Variants in MSH3 observed in about 807,000 individuals in gnomAD.
MSH3 encodes the protein mutS homolog 3, also known as DNA mismatch repair protein Msh3.
In MSH3, 106 loss-of-function variants were observed where a neutral mutation model predicts 123.3. The ratio of observed to expected loss-of-function variants is 0.86; its 90% CI spans 0.73 to 1.01. The LOEUF is 1.01. MSH3 is among the 50% of genes least tolerant of loss of function. MSH3 has a pLI of 0.00. For synonymous variants in MSH3, 515 were observed against 481.4 expected (o/e 1.07, Z -0.91); for missense variants, 1,459 against 1,347.6 (o/e 1.08, Z -1.29).
At position 80,725,550 on chromosome 5, in the gene MSH3, A is replaced by G. The variant is rs1188011873; in HGVS notation, c.1438A>G (p.Thr480Ala). 4 of 1,611,968 alleles carry G rather than the reference A, an allele frequency of 2.5e-6. No individual in the cohort carries two copies. Among genetic ancestry groups the G allele is most frequent in the Middle Eastern group, 1.7e-4 (1 of 6,048 alleles). Residue 480 changes from threonine (T) to alanine (A), a missense_variant, in exon 9 of 24, where the codon ACA (threonine) becomes GCA (alanine). By Grantham distance (58) the Thr-to-Ala change is moderately conservative. Coordinates refer to ENST00000265081, the MANE Select transcript of MSH3 (RefSeq NM_002439.5). ...AGTTACAGAGTTTTATGCAAAAGATACAGTTGACATCAAAGGTAAATATTT... is the reference window on the plus strand; with the variant it reads ...AGTTACAGAGTTTTATGCAAAAGATGCAGTTGACATCAAAGGTAAATATTT... ...QAVTEFYAKD[T>A]VDIKGSQIIS... is the part of the protein sequence containing the mutation.
At position 80,655,898 on chromosome 5, in the gene MSH3, T is replaced by A. The variant is rs958553035; in HGVS notation, c.238-513T>A. 9.9e-5 allele frequency among the ~76,000 whole-genome samples: 15 copies of A among 152,222 alleles called. 1 individual carries two copies. Among genetic ancestry groups the A allele is most frequent in the Admixed American group, 9.8e-4 (15 of 15,282 alleles). ...GCTGGTGAAGGACTTATGTATGCTT[T>A]TGGCAAGTTTTCTGCCAAGAAAAAA... On this transcript the variant is annotated intron_variant, in intron 1 of 23. Transcript: ENST00000265081.
At chr5:80,734,479 A>T (rs1433797022) in intron 10 of MSH3, among the ~76,000 whole-genome samples, 1 of 152,370 alleles carries the variant, frequency 6.6e-6, no homozygotes, top group East Asian at 1.9e-4. Flanking sequence ...TGATAGACAC[A>T]TACACACTTA....
At chr5:80,752,371 T>G (rs1193057150) in intron 12 of MSH3, among the ~76,000 whole-genome samples, 1 of 152,076 alleles carries the variant, frequency 6.6e-6, no homozygotes, top group Non-Finnish European at 1.5e-5. Context: ...AATCTCTAAC[T>G]GTGCTTTATT....
intron 20 of MSH3, among the ~76,000 whole-genome samples, chr5:80,814,056 G>A (rs1239490965): frequency 2.0e-5 from 3 of 151,116 alleles, no homozygotes; most frequent in African/African-American, 7.3e-5. Context: ...GCCTGGGGAG[G>A]TTAAGGCAAC....
At chr5:80,805,588 CCTA>C (rs754454833) in intron 19 of MSH3, among the ~76,000 whole-genome samples, 1 of 114,046 alleles carries the variant, frequency 8.8e-6, no homozygotes, top group East Asian at 2.8e-4. Flanking sequence ...GCCCCCCCCC[CCTA>C]CCTTTTTTTT....
At chr5:80,664,895 A>G (rs1240437355) in intron 2 of MSH3, among the ~76,000 whole-genome samples, 1 of 152,068 alleles carries the variant, frequency 6.6e-6, no homozygotes, top group Non-Finnish European at 1.5e-5. Flanking sequence ...AAAAACAAAA[A>G]CAAAAAAGAA....
chr5:80,773,837 G>A (rs2112888756), intron 15 of MSH3, among the ~76,000 whole-genome samples: 1 of 152,008 alleles, frequency 6.6e-6, no homozygotes, highest in South Asian at 2.1e-4. Context: ...GCACAATCTC[G>A]GCTCACTGCA....
At position 80,654,722 on chromosome 5, in the gene MSH3, C is replaced by T. The variant is rs770528762; in HGVS notation, c.-6C>T. ...CCTGCCGCCGGGCTGCCATCCTTGC[C>T]CTGCCATGTCTCGCCGGAAGCCTGC... On this transcript the variant is annotated 5_prime_UTR_variant, in exon 1 of 24. Transcript: ENST00000265081. The T allele has an allele frequency of 2.5e-6, 4 of 1,594,760 alleles. No individual in the cohort carries two copies. The Admixed American group carries it at 5.1e-5, about 20-fold the overall frequency.
intron 10 of MSH3, among the ~76,000 whole-genome samples, chr5:80,737,435 G>T (rs778378526): frequency 6.6e-6 from 1 of 151,980 alleles, no homozygotes; most frequent in Non-Finnish European, 1.5e-5. Flanking sequence ...AGCATCTATT[G>T]TATTTTTGGT....
At chr5:80,767,864 A>G in intron 13 of MSH3, 69 bp from the exon 14 acceptor site, 1 of 1,226,954 alleles carries the variant, frequency 8.2e-7, no homozygotes, top group South Asian at 1.3e-5. Context: ...TCTAACTTTT[A>G]AAAGTCACTA....
rs764306633 is a variant in MSH3, at chr5:80,864,946, T to G, written c.3130+4T>G. 31 of 1,613,654 alleles carry G rather than the reference T, an allele frequency of 1.9e-5. No homozygotes were observed. Among genetic ancestry groups the G allele is most frequent in the Admixed American group, 6.7e-5 (4 of 60,004 alleles). ...GATGAAAGCAAACTGGATCCAGGTA[T>G]GAAATATTCCTGCAGTTGGTACAAA... On this transcript the variant is annotated splice_donor_region_variant and intron_variant, in intron 22 of 23. Transcript: ENST00000265081.
At chr5:80,789,631 A>G (rs554325208) in intron 18 of MSH3, among the ~76,000 whole-genome samples, 2 of 152,352 alleles carry the variant, frequency 1.3e-5, no homozygotes, top group East Asian at 1.9e-4. Flanking sequence ...TTGGCCTTCC[A>G]AAGTGCTGGA....
intron 13 of MSH3, among the ~76,000 whole-genome samples, chr5:80,762,159 T>A (rs1744046645): frequency 6.6e-6 from 1 of 152,176 alleles, no homozygotes; most frequent in South Asian, 2.1e-4. Flanking sequence ...TTTTTATCAC[T>A]TAAGCTTTAC....
At chr5:80,777,175 G>A (rs1400448796) in intron 16 of MSH3, among the ~76,000 whole-genome samples, 1 of 151,750 alleles carries the variant, frequency 6.6e-6, no homozygotes, top group Non-Finnish European at 1.5e-5. Flanking sequence ...ACCTGCCTTG[G>A]CCTCCCAGTA....
At chr5:80,868,564 G>T (rs1746144342) in intron 22 of MSH3, among the ~76,000 whole-genome samples, 1 of 145,630 alleles carries the variant, frequency 6.9e-6, no homozygotes, top group Non-Finnish European at 1.5e-5. Flanking sequence ...GGAGTTAAAT[G>T]ATGAGAACAC....
chr5:80,779,516 C>T (rs957619522), intron 17 of MSH3, among the ~76,000 whole-genome samples: 5 of 151,460 alleles, frequency 3.3e-5, no homozygotes, highest in African/African-American at 9.7e-5. Context: ...ATCTTAACAC[C>T]ATTTATTATT....
intron 8 of MSH3, among the ~76,000 whole-genome samples, chr5:80,686,205 T>C (rs1327972525): frequency 6.6e-6 from 1 of 152,226 alleles, no homozygotes; most frequent in Non-Finnish European, 1.5e-5. Context: ...ATTTGGTCTG[T>C]AGTAAAGATT....
intron 19 of MSH3, among the ~76,000 whole-genome samples, chr5:80,807,972 A>G (rs1176873761): frequency 1.3e-5 from 2 of 152,228 alleles, no homozygotes; most frequent in Admixed American, 6.5e-5. Context: ...TTTTGTAATG[A>G]AATGACATTA....
rs776590379 is a variant in MSH3, at chr5:80,670,111, T to G, written c.594T>G (p.Phe198Leu). 5.6e-6 allele frequency: 9 copies of G among 1,614,030 alleles called. No individual in the cohort carries two copies. The South Asian group carries it at 9.9e-5, about 18-fold the overall frequency. ...RQINQKDTTLFDLSQFGSSNT... is the reference protein window; with the variant it reads ...RQINQKDTTLLDLSQFGSSNT... ...TTGGTTGCCAGGACACAACACTTTT[T>G]GATCTCAGTCAGTTTGGATCATCAA... Residue 198 changes from phenylalanine to leucine, a missense_variant, in exon 4 of 24, where the codon TTT (phenylalanine) becomes TTG (leucine). Transcript: ENST00000265081.
Sources: allele counts gnomAD v4.1 joint callset (sites outside exome capture counted in the v4.1 genomes callset), GRCh38; gene constraint gnomAD v4.1.1; transcripts MANE v1.5; gene names NCBI Gene and HGNC (gene_info 2026-07-23, HGNC 2026-07-21).